Variants in ANGPTL6 observed in about 807,000 individuals in gnomAD.
The protein encoded by ANGPTL6 is angiopoietin-related protein 6.
In ANGPTL6, 45 loss-of-function variants were observed where a neutral mutation model predicts 47.4. That is an observed-to-expected ratio of 0.95 (90% CI 0.75 to 1.22). The LOEUF is 1.22. ANGPTL6 is among the 50% of genes most tolerant of loss of function. The pLI is 0.00. For synonymous variants in ANGPTL6, 290 were observed against 295.9 expected (o/e 0.98, Z 0.20); for missense variants, 698 against 669.4 (o/e 1.04, Z -0.47).
At chr19:10,103,687 CA>C (rs2088739973), upstream of ANGPTL6, among the ~76,000 whole-genome samples, 1 of 150,834 alleles carries the variant, frequency 6.6e-6, no homozygotes, top group Non-Finnish European at 1.5e-5. Context: ...ATATAAAAGA[CA>C]CAGCTGTAAA....
intron 1 of ANGPTL6, among the ~76,000 whole-genome samples, chr19:10,097,975 C>T (rs1383489032): frequency 6.8e-6 from 1 of 147,036 alleles, no homozygotes; most frequent in East Asian, 2.1e-4. Context: ...AGACTCCAGA[C>T]TGGGCAACGT....
intron 1 of ANGPTL6, among the ~76,000 whole-genome samples, chr19:10,098,535 C>T (rs2088599865): frequency 1.3e-5 from 2 of 151,946 alleles, no homozygotes; most frequent in Admixed American, 6.6e-5. Context: ...AAAGCAAAAG[C>T]GAAGGGAGGC....
chr19:10,100,416 TG>T (rs1277121197), intron 1 of ANGPTL6, among the ~76,000 whole-genome samples: 1 of 152,010 alleles, frequency 6.6e-6, no homozygotes, highest in East Asian at 1.9e-4. Flanking sequence ...GCTACTTTTT[TG>T]TAGGGAGGGG....
chr19:10,096,399 C>G lies in ANGPTL6; in HGVS notation c.165G>C (p.Glu55Asp), dbSNP rs2088542249. The part of the protein sequence containing the change: ...SGPASTRATP[E>D]AANASELAAL... ...CCGCCAGCTCGCTGGCGTTGGCGGC[C>G]TCGGGCGTCGCCCGCGTGGATGCGG... The change falls in exon 2 of 6, where the codon GAG becomes GAC. Residue 55 changes from glutamate to aspartate, a missense_variant. Physicochemically the swap from Glu to Asp is conservative, Grantham distance 45. Transcript: ENST00000253109. The G allele has an allele frequency of 7.6e-7, 1 of 1,308,968 alleles. No individual in the cohort carries two copies. Among genetic ancestry groups the G allele is most frequent in the East Asian group, 3.1e-5 (1 of 32,156 alleles). 81.1% of individuals were successfully genotyped at this position (1,308,968 alleles called of 1,614,324 possible).
intron 5 of ANGPTL6, 130 bp downstream of exon 5, chr19:10,093,219 C>G (rs535015105): frequency 3.2e-6 from 4 of 1,259,710 alleles, no homozygotes; most frequent in South Asian, 3.0e-5. Flanking sequence ...GTTCTCTTGA[C>G]GGAATAAAAG....
chr19:10,099,833 CTCTCTCTCTCTT>C (rs1482121406), intron 1 of ANGPTL6, among the ~76,000 whole-genome samples: 4 of 138,146 alleles, frequency 2.9e-5, no homozygotes, highest in African/African-American at 1.1e-4. Context: ...CTCTCCCTCT[CTCTCTCTCTCTT>C]TCTCTCTTTC....
chr19:10,104,059 G>A (rs964408812), upstream of ANGPTL6, among the ~76,000 whole-genome samples: 142 of 138,920 alleles, frequency 1.0e-3, 1 homozygote, highest in African/African-American at 3.8e-3. Context: ...TCCAGCCTGG[G>A]CGACAGAGTA....
At chr19:10,094,336 T>TA (rs2088474360) in intron 3 of ANGPTL6, among the ~76,000 whole-genome samples, 1 of 152,040 alleles carries the variant, frequency 6.6e-6, no homozygotes, top group Admixed American at 6.6e-5. Flanking sequence ...TTAGTAGAAA[T>TA]GGGGTTTCAC....
Position 10,093,801 on chromosome 19 carries a change from G to GT in ANGPTL6, c.842dup (p.His281GlnfsTer8). 6.2e-7 allele frequency: 1 copy of GT among 1,613,994 alleles called. No individual in the cohort carries two copies. Among genetic ancestry groups the GT allele is most frequent in the Non-Finnish European group, 8.5e-7 (1 of 1,180,048 alleles). On this transcript the variant is annotated frameshift_variant, in exon 4 of 6. Transcript: ENST00000253109. LOFTEE classifies it high-confidence loss of function. ...GCTGCTCACACCATACTGACACTAC[G>GT]TGACGGCCCACTCGCAGTTCATACA...
At chr19:10,099,923 A>G (rs1468887578) in intron 1 of ANGPTL6, among the ~76,000 whole-genome samples, 3 of 141,512 alleles carry the variant, frequency 2.1e-5, no homozygotes, top group Non-Finnish European at 4.5e-5. Flanking sequence ...CTCGCTCTGC[A>G]ATCTCAGCTC....
Position 10,092,339 on chromosome 19 carries a change from G to T in ANGPTL6, c.*250C>A. ...TGCAGATACAAACCAGACACGGTCT[G>T]TGGCTACTTTGTGTTATTATAAGAT... On this transcript the variant is annotated 3_prime_UTR_variant, in exon 6 of 6. Coordinates refer to ENST00000253109, the MANE Select transcript of ANGPTL6 (RefSeq NM_031917.3). The T allele has an allele frequency of 6.4e-7, 1 of 1,550,752 alleles. No individual in the cohort carries two copies. Among genetic ancestry groups the T allele is most frequent in the Middle Eastern group, 1.7e-4 (1 of 5,962 alleles).
chr19:10,094,597 T>C, intron 3 of ANGPTL6, 161 bp downstream of exon 3: 2 of 885,390 alleles, frequency 2.3e-6, no homozygotes, highest in Non-Finnish European at 3.5e-6. Context: ...TTCTATTTCT[T>C]GTTTCTCCTA....
In ANGPTL6 at chr19:10,096,154, G is replaced by T. The variant is rs757862044; in HGVS notation, c.410C>A (p.Ala137Glu). Residue 137 changes from alanine to glutamate, a missense_variant, in exon 2 of 6, where the codon GCG (alanine) becomes GAG (glutamate). Coordinates refer to ENST00000253109, the MANE Select transcript of ANGPTL6 (RefSeq NM_031917.3). ...GTTGAGCACGCGCTCCCCGAGCAGC[G>T]CCAGCGCCGCGGCAGGCTCCGCCCC... ...DLGAEPAAAL[A>E]LLGERVLNAS... is the part of the protein sequence containing the mutation. 2 of 1,327,466 alleles carry T rather than the reference G, an allele frequency of 1.5e-6. No homozygotes were observed. The highest frequency in any genetic ancestry group is 2.0e-5 in the South Asian group (1 of 51,180). The allele number at this position is 1,327,466 out of a possible 1,614,324, so 82.2% of individuals were successfully genotyped here. A position where few individuals can be genotyped will look rare whatever the true frequency, so the allele number is the denominator to read the frequency against.
upstream of ANGPTL6, among the ~76,000 whole-genome samples, chr19:10,104,324 G>A (rs534586641): frequency 6.7e-5 from 10 of 148,702 alleles, no homozygotes; most frequent in African/African-American, 2.6e-4. Flanking sequence ...TGTGGTGTGT[G>A]TGTGTGTGTG....
Position 10,092,646 on chromosome 19 carries a change from A to C in ANGPTL6, c.1356T>G (p.Arg452=). 2 of 1,613,834 alleles carry C rather than the reference A, an allele frequency of 1.2e-6. No homozygotes were observed. Among genetic ancestry groups the C allele is most frequent in the South Asian group, 2.2e-5 (2 of 91,068 alleles). The stretch of plus-strand genomic sequence containing the variant: ...CCTTCCTGAGAGAATATGCCCCACC[A>C]CGAAACTCAGCCCAGTAGACACCAT... ...YQDGVYWAEF[R]GGAYSLRKAA... is the part of the protein sequence containing the mutation. The change falls in exon 6 of 6, where the codon CGT becomes CGG. Residue 452 remains arginine, a synonymous_variant. Transcript: ENST00000253109.
chr19:10,095,948 A>G (rs1288948884), intron 2 of ANGPTL6, 34 bp downstream of exon 2: 4 of 1,220,648 alleles, frequency 3.3e-6, no homozygotes, highest in Non-Finnish European at 4.2e-6. Context: ...CATTTCACAG[A>G]CGATGCTGCT....
intron 1 of ANGPTL6, 21 bp from the exon 2 acceptor site, chr19:10,096,594 GA>G: frequency 6.8e-7 from 1 of 1,465,180 alleles, no homozygotes; most frequent in Non-Finnish European, 9.0e-7. Context: ...AGGAGGAACG[GA>G]AGGAAGACGG....
chr19:10,099,530 C>G (rs533369328), intron 1 of ANGPTL6, among the ~76,000 whole-genome samples: 76 of 135,050 alleles, frequency 5.6e-4, no homozygotes, highest in Admixed American at 5.9e-4. Flanking sequence ...TGAGCCGAGA[C>G]TGTGCCACTG....
chr19:10,102,623 A>G lies in ANGPTL6; in HGVS notation c.-66T>C, dbSNP rs1457892259. 1 of 984,672 alleles carries G rather than the reference A, an allele frequency of 1.0e-6. No individual in the cohort carries two copies. Among genetic ancestry groups the G allele is most frequent in the Non-Finnish European group, 1.2e-6 (1 of 829,440 alleles). 61.0% of individuals were successfully genotyped at this position (984,672 alleles called of 1,614,324 possible). On this transcript the variant is annotated 5_prime_UTR_variant, in exon 1 of 6. Transcript: ENST00000253109. ...AGCTCACAGAACACACAAGAAGTCC[A>G]AGGAAGAGCCGAGGGTCCAGTGGGG...
Sources: gnomAD v4.1 joint callset for allele counts (sites outside exome capture counted in the v4.1 genomes callset) on GRCh38, gnomAD v4.1.1 for gene constraint, MANE v1.5 for transcripts, NCBI Gene and HGNC (gene_info 2026-07-23, HGNC 2026-07-21) for gene names.